The following CHRM3 variants were observed in gnomAD, a reference collection of about 807,000 sequenced individuals.
CHRM3 encodes muscarinic acetylcholine receptor M3.
In CHRM3, 11 loss-of-function variants were observed where a neutral mutation model predicts 41.8. The ratio of observed to expected loss-of-function variants is 0.26; its 90% CI spans 0.17 to 0.44. CHRM3 has a LOEUF of 0.44. CHRM3 is among the 20% of genes least tolerant of loss of function. The pLI is 1.00. For synonymous variants in CHRM3, 297 were observed against 301.4 expected (o/e 0.99, Z 0.15); for missense variants, 571 against 745.4 (o/e 0.77, Z 2.72).
chr1:239,726,101 T>C (rs1308763392), intron 5 of CHRM3, among the ~76,000 whole-genome samples: 1 of 151,940 alleles, frequency 6.6e-6, no homozygotes, highest in Non-Finnish European at 1.5e-5. Context: ...GCTTGTGCAC[T>C]ACAACAGCAG....
intron 6 of CHRM3, among the ~76,000 whole-genome samples, chr1:239,901,822 G>A (rs746943830): frequency 7.2e-5 from 11 of 152,216 alleles, no homozygotes; most frequent in Admixed American, 3.9e-4. Flanking sequence ...AGCCTTGGGC[G>A]TGTCTCCTTG....
chr1:239,864,131 G>A (rs114983506), intron 6 of CHRM3, among the ~76,000 whole-genome samples: 2,736 of 151,106 alleles, frequency 0.018, 97 homozygotes, highest in African/African-American at 0.063. Context: ...TGTCATCCCA[G>A]CTACTTAGGA....
intron 3 of CHRM3, among the ~76,000 whole-genome samples, chr1:239,601,952 G>A (rs1665596335): frequency 6.6e-6 from 1 of 151,424 alleles, no homozygotes; most frequent in Non-Finnish European, 1.5e-5. Flanking sequence ...TGCCCATAAT[G>A]TCAATAAATT....
chr1:239,596,985 C>G (rs1423486685), intron 3 of CHRM3, among the ~76,000 whole-genome samples: 1 of 152,046 alleles, frequency 6.6e-6, no homozygotes, highest in Non-Finnish European at 1.5e-5. Flanking sequence ...AACCTTTTCA[C>G]TAAGAAAATA....
intron 1 of CHRM3, among the ~76,000 whole-genome samples, chr1:239,438,187 C>A (rs560876255): frequency 6.6e-6 from 1 of 152,274 alleles, no homozygotes; most frequent in South Asian, 2.1e-4. Context: ...AGTACATTTA[C>A]ATTTATTTCC....
chr1:239,552,759 G>A (rs1399344221), intron 3 of CHRM3, among the ~76,000 whole-genome samples: 2 of 151,186 alleles, frequency 1.3e-5, no homozygotes, highest in Non-Finnish European at 1.5e-5. Context: ...CCAAGGTTTT[G>A]GGATTGCAGG....
chr1:239,726,016 C>A (rs1663405038), intron 5 of CHRM3, among the ~76,000 whole-genome samples: 2 of 152,016 alleles, frequency 1.3e-5, no homozygotes, highest in South Asian at 2.1e-4. Context: ...TGAAATCTGG[C>A]CCATTCCCTG....
intron 5 of CHRM3, among the ~76,000 whole-genome samples, chr1:239,823,678 A>G (rs1672229768): frequency 6.6e-6 from 1 of 152,162 alleles, no homozygotes; most frequent in Non-Finnish European, 1.5e-5. Flanking sequence ...GATTAAATAA[A>G]TGATTTTTCT....
At chr1:239,476,194 G>T (rs368567542) in intron 1 of CHRM3, among the ~76,000 whole-genome samples, 1 of 152,052 alleles carries the variant, frequency 6.6e-6, no homozygotes, top group Non-Finnish European at 1.5e-5. Flanking sequence ...GGCCGGGCAC[G>T]GTGGCTCATG....
chr1:239,679,200 T>G (rs1327337599), intron 5 of CHRM3, among the ~76,000 whole-genome samples: 1 of 152,172 alleles, frequency 6.6e-6, no homozygotes, highest in African/African-American at 2.4e-5. Flanking sequence ...TTATTAAAAA[T>G]ATAGCAGGCT....
chr1:239,619,898 G>A (rs1668169551), intron 3 of CHRM3, among the ~76,000 whole-genome samples: 1 of 152,068 alleles, frequency 6.6e-6, no homozygotes, highest in Non-Finnish European at 1.5e-5. Flanking sequence ...CTGAGCTGGG[G>A]TTGCTGAAAG....
intron 4 of CHRM3, among the ~76,000 whole-genome samples, chr1:239,645,711 A>G (rs540386997): frequency 1.3e-5 from 2 of 152,336 alleles, no homozygotes; most frequent in South Asian, 2.1e-4. Flanking sequence ...GTATCAAAAT[A>G]TGGACATCAA....
At chr1:239,740,731 G>C (rs1391898976) in intron 5 of CHRM3, among the ~76,000 whole-genome samples, 1 of 151,956 alleles carries the variant, frequency 6.6e-6, no homozygotes, top group African/African-American at 2.4e-5. Flanking sequence ...ATTATCACTG[G>C]TCATTAGCGA....
chr1:239,635,885 A>T (rs1265004517), intron 4 of CHRM3, among the ~76,000 whole-genome samples: 1 of 152,210 alleles, frequency 6.6e-6, no homozygotes, highest in Non-Finnish European at 1.5e-5. Flanking sequence ...TACGTTAAAT[A>T]TCTTAAAAGA....
At position 239,515,426 on chromosome 1, in the gene CHRM3, T is replaced by A. The variant is rs979120887; in HGVS notation, c.-422+22619T>A. Among the ~76,000 whole-genome samples, 151 of 150,722 alleles carry A rather than the reference T, an allele frequency of 1.0e-3. 2 individuals are homozygous for A. Among genetic ancestry groups the A allele is most frequent in the Non-Finnish European group, 1.7e-3 (114 of 67,692 alleles). On this transcript the variant is annotated intron_variant, in intron 2 of 6. Transcript: ENST00000676153. ...ATGTTTTTTTTGTTTTTTTTTTTTT[T>A]AATTCTGGGGTAAGGACACTGTTAG... is the stretch of plus-strand genomic sequence containing the variant.
rs1392979987 is a variant in CHRM3 at position 239,911,218 on chromosome 1, A to G, written c.*1994A>G. 2 of 167,006 alleles carry G rather than the reference A, an allele frequency of 1.2e-5. No homozygotes were observed. The highest frequency in any genetic ancestry group is 2.9e-5 in the Non-Finnish European group (2 of 68,110). The allele number at this position is 167,006 out of a possible 1,614,324, so 10.3% of individuals were successfully genotyped here. A position where few individuals can be genotyped will look rare whatever the true frequency, so the allele number is the denominator to read the frequency against. ...GTTAAATCTGATGGGAACTGAACAA[A>G]GCTCCACCATTGTGTCTGAAATCAT... On this transcript the variant is annotated 3_prime_UTR_variant, in exon 7 of 7. Transcript: ENST00000676153.
chr1:239,744,693 A>G (rs958203017), intron 5 of CHRM3, among the ~76,000 whole-genome samples: 13 of 152,218 alleles, frequency 8.5e-5, no homozygotes, highest in Admixed American at 8.5e-4. Context: ...TGCTCATTGA[A>G]TATCCACGGG....
At chr1:239,392,526 T>C (rs570199147) in intron 1 of CHRM3, among the ~76,000 whole-genome samples, 44 of 152,286 alleles carry the variant, frequency 2.9e-4, no homozygotes, top group African/African-American at 1.1e-3. Context: ...ACATCCTGGT[T>C]CAGGCAGGAT....
chr1:239,580,124 G>T (rs936169146), intron 3 of CHRM3, among the ~76,000 whole-genome samples: 2 of 151,982 alleles, frequency 1.3e-5, no homozygotes, highest in Admixed American at 6.6e-5. Context: ...CATCCATATT[G>T]TCTATTACTT....
Sources: allele counts gnomAD v4.1 joint callset (sites outside exome capture counted in the v4.1 genomes callset), GRCh38; gene constraint gnomAD v4.1.1; transcripts MANE v1.5; gene names NCBI Gene and HGNC (gene_info 2026-07-23, HGNC 2026-07-21).